EPHA6: variants seen among roughly 807,000 people sequenced by gnomAD.
The protein encoded by EPHA6 is EPH receptor A6.
EPHA6 carries 50 observed loss-of-function variants against 112.0 expected under a neutral mutation model. The ratio of observed to expected loss-of-function variants is 0.45; its 90% CI spans 0.36 to 0.56. The LOEUF is 0.56. Ranked by LOEUF, EPHA6 falls within the 20% of genes least tolerant of loss-of-function variation. EPHA6 has a pLI of 0.00. For synonymous variants in EPHA6, 529 were observed against 490.7 expected, an observed-to-expected ratio of 1.08 and a Z score of -1.03; for missense variants, 1,280 against 1,417.4, an observed-to-expected ratio of 0.90 and a Z score of 1.56.
At chr3:97,537,039 T>C (rs1237473357) in intron 11 of EPHA6, among the ~76,000 whole-genome samples, 1 of 152,130 alleles carries the variant, frequency 6.6e-6, no homozygotes, top group Non-Finnish European at 1.5e-5. Flanking sequence ...TAACTTCAGG[T>C]GCATATTGAT....
intron 6 of EPHA6, among the ~76,000 whole-genome samples, chr3:97,436,779 G>A (rs184716296): frequency 3.3e-4 from 50 of 152,252 alleles, no homozygotes; most frequent in African/African-American, 1.2e-3. Flanking sequence ...TTGGATGCCA[G>A]TCAACCAGCA....
chr3:97,353,780 T>C (rs1180641804), intron 5 of EPHA6, among the ~76,000 whole-genome samples: 1 of 152,112 alleles, frequency 6.6e-6, no homozygotes, highest in African/African-American at 2.4e-5. Flanking sequence ...TGAGTGAGCA[T>C]TAGTGTCAGC....
At chr3:97,711,099 C>A (rs752840181) in intron 14 of EPHA6, among the ~76,000 whole-genome samples, 1 of 152,102 alleles carries the variant, frequency 6.6e-6, no homozygotes, top group Non-Finnish European at 1.5e-5. Flanking sequence ...GTGGTTGAAT[C>A]GTGGGAGTAA....
intron 1 of EPHA6, among the ~76,000 whole-genome samples, chr3:96,834,089 C>A (rs1461460489): frequency 6.6e-6 from 1 of 151,884 alleles, no homozygotes; most frequent in Non-Finnish European, 1.5e-5. Flanking sequence ...AAGCATCTCC[C>A]TTGATAAATT....
chr3:97,692,891 A>G (rs897393429), intron 14 of EPHA6, among the ~76,000 whole-genome samples: 1 of 152,126 alleles, frequency 6.6e-6, no homozygotes, highest in Non-Finnish European at 1.5e-5. Context: ...GCCATTACCA[A>G]TGGTTACCTG....
At chr3:97,465,319 G>T (rs182490045) in intron 7 of EPHA6, among the ~76,000 whole-genome samples, 1 of 152,106 alleles carries the variant, frequency 6.6e-6, no homozygotes, top group East Asian at 1.9e-4. Flanking sequence ...CAAAATAATA[G>T]TAGTAAATAG....
chr3:96,934,351 C>G (rs113852194), intron 2 of EPHA6, among the ~76,000 whole-genome samples: 2,054 of 151,452 alleles, frequency 0.014, 50 homozygotes, highest in African/African-American at 0.045. Flanking sequence ...TTATCTTATA[C>G]CATTATTATT....
intron 7 of EPHA6, among the ~76,000 whole-genome samples, chr3:97,457,850 A>G (rs967279393): frequency 6.6e-6 from 1 of 151,954 alleles, no homozygotes; most frequent in Non-Finnish European, 1.5e-5. Flanking sequence ...GCGGATCACG[A>G]GGTCAGGAGA....
chr3:96,821,210 A>AG (rs1011156258), intron 1 of EPHA6, among the ~76,000 whole-genome samples: 1 of 151,956 alleles, frequency 6.6e-6, no homozygotes, highest in Non-Finnish European at 1.5e-5. Context: ...ATTTTGAGTT[A>AG]CCTTTTAATA....
intron 8 of EPHA6, among the ~76,000 whole-genome samples, chr3:97,476,403 G>A (rs889905950): frequency 6.6e-6 from 1 of 152,032 alleles, no homozygotes; most frequent in African/African-American, 2.4e-5. Context: ...CACCAATGTT[G>A]ACTCCAGCTA....
At chr3:96,819,026 A>C (rs1033430999) in intron 1 of EPHA6, among the ~76,000 whole-genome samples, 8 of 152,000 alleles carry the variant, frequency 5.3e-5, no homozygotes, top group African/African-American at 1.9e-4. Flanking sequence ...CAGTTCCAGC[A>C]GTGATCATCT....
At chr3:97,567,315 G>A (rs2093279261) in intron 11 of EPHA6, among the ~76,000 whole-genome samples, 2 of 152,076 alleles carry the variant, frequency 1.3e-5, no homozygotes, top group African/African-American at 4.8e-5. Context: ...AGGCTTGTGT[G>A]CCAAAAAATA....
chr3:97,068,154 C>CAAAAAA (rs1396275493), intron 3 of EPHA6, among the ~76,000 whole-genome samples: 1 of 61,006 alleles, frequency 1.6e-5, no homozygotes, highest in Admixed American at 2.0e-4. Context: ...GACTCCATCT[C>CAAAAAA]AAAAAAAAAA....
intron 2 of EPHA6, among the ~76,000 whole-genome samples, chr3:96,884,651 G>A (rs1329535584): frequency 3.9e-5 from 6 of 152,148 alleles, no homozygotes; most frequent in South Asian, 2.1e-4. Context: ...CAAGGTAAAC[G>A]ATCATATTGT....
intron 12 of EPHA6, among the ~76,000 whole-genome samples, chr3:97,596,213 CAT>C (rs1330633370): frequency 6.6e-6 from 1 of 152,108 alleles, no homozygotes; most frequent in African/African-American, 2.4e-5. Context: ...CCATATCAGA[CAT>C]AGTCTCTAAA....
intron 3 of EPHA6, among the ~76,000 whole-genome samples, chr3:97,208,558 CA>C (rs771865752): frequency 6.6e-6 from 1 of 151,990 alleles, no homozygotes; most frequent in Non-Finnish European, 1.5e-5. Flanking sequence ...CCAGCTTGGG[CA>C]ACATGGTGAA....
chr3:97,530,182 T>C (rs964410463), intron 10 of EPHA6, among the ~76,000 whole-genome samples: 3 of 152,050 alleles, frequency 2.0e-5, no homozygotes, highest in African/African-American at 7.2e-5. Context: ...AGTATCTTAA[T>C]AGGCCTGGAT....
intron 3 of EPHA6, among the ~76,000 whole-genome samples, chr3:97,190,486 C>T (rs1247000839): frequency 6.6e-6 from 1 of 152,108 alleles, no homozygotes; most frequent in African/African-American, 2.4e-5. Flanking sequence ...ACTGCAGTTA[C>T]TCATGTTGGT....
chr3:97,086,998 GA>G (rs1286611772), intron 3 of EPHA6, among the ~76,000 whole-genome samples: 11 of 152,106 alleles, frequency 7.2e-5, no homozygotes, highest in African/African-American at 2.4e-4. Flanking sequence ...TGGTCAGATG[GA>G]AAAACACGTA....
Sources: allele counts gnomAD v4.1 joint callset (sites outside exome capture counted in the v4.1 genomes callset), GRCh38; gene constraint gnomAD v4.1.1; transcripts MANE v1.5; gene names NCBI Gene and HGNC (gene_info 2026-07-23, HGNC 2026-07-21).